The following TYMS variants were observed in gnomAD, a reference collection of about 807,000 sequenced individuals.
TYMS encodes the protein thymidylate synthase.
In TYMS, 21 loss-of-function variants were observed where a neutral mutation model predicts 39.3. The observed-to-expected ratio is 0.54, with a 90% confidence interval of 0.38 to 0.77. The LOEUF (loss-of-function observed/expected upper bound fraction) is 0.77. TYMS is among the 30% of genes least tolerant of loss of function. The probability of loss-of-function intolerance (pLI) is 0.00; values close to 1 mark genes in which losing one functional copy is unlikely to be tolerated. For missense variants in TYMS, 273 were observed against 406.7 expected, an observed-to-expected ratio of 0.67 and a Z score of 2.83; for synonymous variants, 171 against 162.2, an observed-to-expected ratio of 1.05 and a Z score of -0.41.
In TYMS at chr18:673,238, A is replaced by T. The variant is rs994647259; in HGVS notation, c.*241A>T. 109 of 354,280 alleles carry T rather than the reference A, an allele frequency of 3.1e-4. No homozygotes were observed. The highest frequency in any genetic ancestry group is 7.7e-4 in the Middle Eastern group (1 of 1,306). 21.9% of individuals were successfully genotyped at this position (354,280 alleles called of 1,614,324 possible). A position where few individuals can be genotyped will look rare whatever the true frequency, so the allele number is the denominator to read the frequency against. On this transcript the variant is annotated 3_prime_UTR_variant, in exon 7 of 7. Transcript: ENST00000323274. ...ATCTGACAATGCTGAGGTTATGAAC[A>T]AAGTGAGGAGAATGAAATGTATGTG...
rs1266096693 is a variant in TYMS, at chr18:658,186, C to T, written c.205+239C>T. The T allele has an allele frequency of 1.3e-6, 2 of 1,548,742 alleles. No individual in the cohort carries two copies. The highest frequency in any genetic ancestry group is 1.7e-6 in the Non-Finnish European group (2 of 1,145,666). ...AGCCGGGAGGTAAGCCGCGTCCCAG[C>T]GGCTCCGCGGCCGGGCTCGCAGTCG... On this transcript the variant is annotated intron_variant, in intron 1 of 6. Coordinates refer to ENST00000323274, the MANE Select transcript of TYMS (RefSeq NM_001071.4). The surrounding 1 kb of genome is among the most constrained non-coding windows in gnomAD (Gnocchi z 4.5).
rs1224641918 is a variant in TYMS, at chr18:671,367, C to T, written c.733-13C>T. 2 of 1,583,324 alleles carry T rather than the reference C, an allele frequency of 1.3e-6. No homozygotes were observed. The highest frequency in any genetic ancestry group is 1.3e-5 in the African/African-American group (1 of 74,204). ...ACTAACATACTGTTCTGCTTTCTCCCCCGGGTTTATAGCCAGGTGACTTTA... is the reference window on the plus strand; with the variant it reads ...ACTAACATACTGTTCTGCTTTCTCCTCCGGGTTTATAGCCAGGTGACTTTA... On this transcript the variant is annotated splice_polypyrimidine_tract_variant and intron_variant, in intron 5 of 6. Coordinates refer to ENST00000323274, the MANE Select transcript of TYMS (RefSeq NM_001071.4).
At position 662,134 on chromosome 18, in the gene TYMS, C is replaced by T; in HGVS notation, c.280-12C>T. The stretch of plus-strand genomic sequence containing the variant: ...ACCTGGATGCCTGCTCTGCTCTCCC[C>T]ATCTCTTCCAGGGATCCACAAATGC... On this transcript the variant is annotated splice_polypyrimidine_tract_variant and intron_variant, in intron 2 of 6. Coordinates refer to ENST00000323274, the MANE Select transcript of TYMS (RefSeq NM_001071.4). 6.2e-7 allele frequency: 1 copy of T among 1,600,228 alleles called. No homozygotes were observed. The highest frequency in any genetic ancestry group is 8.5e-7 in the Non-Finnish European group (1 of 1,174,238).
intron 3 of TYMS, among the ~76,000 whole-genome samples, chr18:664,231 A>G (rs868620331): frequency 1.3e-5 from 2 of 152,002 alleles, no homozygotes; most frequent in Non-Finnish European, 2.9e-5. Context: ...GAGGTCCTTC[A>G]CATCCCTTTT....
chr18:670,035 A>G (rs2074961604), intron 4 of TYMS, among the ~76,000 whole-genome samples: 1 of 135,456 alleles, frequency 7.4e-6, no homozygotes. Context: ...TGCATCTGTA[A>G]TAGAGACTTA....
chr18:671,556 G>A (rs1357361588), intron 6 of TYMS, 105 bp downstream of exon 6: 1 of 803,898 alleles, frequency 1.2e-6, no homozygotes, highest in East Asian at 2.5e-5. Context: ...AAAGATGACT[G>A]CTCCAAATGT....
At position 670,546 on chromosome 18, in the gene TYMS, G is replaced by GT. The variant is rs1288765566; in HGVS notation, c.557-144dup. On this transcript the variant is annotated intron_variant, in intron 4 of 6. Coordinates refer to ENST00000323274, the MANE Select transcript of TYMS (RefSeq NM_001071.4). ...GCTCCGTGCCATCGCTGCAGAGGCT[G>GT]TTATGGACATCACTGCAGCCCAGTG... is the stretch of plus-strand genomic sequence containing the variant. The GT allele has an allele frequency of 1.0e-5, 8 of 799,852 alleles. No individual in the cohort carries two copies. In the African/African-American group the frequency reaches 1.4e-4, roughly 14 times the overall value. The allele number at this position is 799,852 out of a possible 1,614,324, so 49.5% of individuals were successfully genotyped here.
Position 673,123 on chromosome 18 carries a change from GTTA to G in TYMS, c.*130_*132del. ...TCAAAAATCTGTCCGTGACCTATCA[GTTA>G]TTAATTTTTAAGGATGTTGCCACTG... On this transcript the variant is annotated 3_prime_UTR_variant, in exon 7 of 7. Transcript: ENST00000323274. The G allele has an allele frequency of 9.2e-7, 1 of 1,081,868 alleles. No individual in the cohort carries two copies. The highest frequency in any genetic ancestry group is 1.3e-6 in the Non-Finnish European group (1 of 788,042). 67.0% of individuals were successfully genotyped at this position (1,081,868 alleles called of 1,614,324 possible).
chr18:671,489 TCTC>T, intron 6 of TYMS, 38 bp downstream of exon 6: 1 of 1,332,908 alleles, frequency 7.5e-7, no homozygotes, highest in African/African-American at 1.4e-5. Context: ...TTTGGTACCT[TCTC>T]TTGATAAAAG....
chr18:667,203 T>A (rs796098656), intron 3 of TYMS, among the ~76,000 whole-genome samples: 36 of 61,248 alleles, frequency 5.9e-4, no homozygotes, highest in East Asian at 9.8e-4. Flanking sequence ...ATGGTGATGG[T>A]GATGGTGATG....
At position 658,229 on chromosome 18, in the gene TYMS, C is replaced by G. The variant is rs768256881; in HGVS notation, c.205+282C>G. On this transcript the variant is annotated intron_variant, in intron 1 of 6. Coordinates refer to ENST00000323274, the MANE Select transcript of TYMS (RefSeq NM_001071.4). This position sits in a 1 kb window ranked among gnomAD's most constrained non-coding sequence, Gnocchi z 4.5. ...CGCAGTCGCCCCAGTGATGCCGTGG[C>G]CCCCGAGGCGGGCGTCATCGGGCAG... 1 of 1,505,400 alleles carries G rather than the reference C, an allele frequency of 6.6e-7. No individual in the cohort carries two copies. Among genetic ancestry groups the G allele is most frequent in the Non-Finnish European group, 8.9e-7 (1 of 1,117,406 alleles). 93.3% of individuals were successfully genotyped at this position (1,505,400 alleles called of 1,614,324 possible).
At chr18:664,944 A>G (rs1223137627) in intron 3 of TYMS, among the ~76,000 whole-genome samples, 4 of 145,198 alleles carry the variant, frequency 2.8e-5, no homozygotes, top group Non-Finnish European at 4.5e-5. Flanking sequence ...GGAATTTTGC[A>G]TCAATGTTCA....
rs2853542 is a variant in TYMS at position 657,685 on chromosome 18, G to T, written c.-58G>T. On this transcript the variant is annotated 5_prime_UTR_variant, in exon 1 of 7. Transcript: ENST00000323274. Reference sequence around the variant, plus strand: ...CTGCCTCCGTCCCGCCGCGCCACTTGGCCTGCCTCCGTCCCGCCGCGCCAC... The same window carrying T: ...CTGCCTCCGTCCCGCCGCGCCACTTTGCCTGCCTCCGTCCCGCCGCGCCAC... The T allele has an allele frequency of 2.1e-6, 1 of 471,240 alleles. No individual in the cohort carries two copies. The highest frequency in any genetic ancestry group is 3.0e-6 in the Non-Finnish European group (1 of 329,058). The allele number at this position is 471,240 out of a possible 1,614,324, so 29.2% of individuals were successfully genotyped here.
At chr18:666,919 G>GGT (rs1567989423) in intron 3 of TYMS, among the ~76,000 whole-genome samples, 8 of 71,782 alleles carry the variant, frequency 1.1e-4, no homozygotes, top group South Asian at 1.2e-3. Context: ...TGATGGTGAT[G>GGT]GAGATGGTGA....
chr18:664,009 TG>T lies in TYMS; in HGVS notation c.454+1691del, dbSNP rs1367104225. Among the ~76,000 whole-genome samples, 3 of 101,760 alleles carry T rather than the reference TG, an allele frequency of 2.9e-5. 1 individual carries two copies. Among genetic ancestry groups the T allele is most frequent in the Non-Finnish European group, 5.5e-5 (3 of 54,086 alleles). The allele number at this position is 101,760 out of a possible 152,430, so 66.8% of individuals were successfully genotyped here. A position where few individuals can be genotyped will look rare whatever the true frequency, so the allele number is the denominator to read the frequency against. The stretch of plus-strand genomic sequence containing the variant: ...TGACTTGGCGATGTGGGCTCTTTTT[TG>T]GTTCCATATGAACTTTAAAGTAGTT... On this transcript the variant is annotated intron_variant, in intron 3 of 6. Coordinates refer to ENST00000323274, the MANE Select transcript of TYMS (RefSeq NM_001071.4).
rs1002757585 is a variant in TYMS at position 660,557 on chromosome 18, T to A, written c.279+843T>A. 1.3e-5 allele frequency among the ~76,000 whole-genome samples: 2 copies of A among 151,978 alleles called. No homozygotes were observed. The highest frequency in any genetic ancestry group is 2.1e-4 in the South Asian group (1 of 4,818). ...AACACAGCCTGCCACATAGTAGGAGTCAACATATATTGATCACTAAATGTA... is the reference window on the plus strand; with the variant it reads ...AACACAGCCTGCCACATAGTAGGAGACAACATATATTGATCACTAAATGTA... On this transcript the variant is annotated intron_variant, in intron 2 of 6. Coordinates refer to ENST00000323274, the MANE Select transcript of TYMS (RefSeq NM_001071.4). This position sits in a 1 kb window ranked among gnomAD's most constrained non-coding sequence, Gnocchi z 4.6.
At chr18:672,783 C>T in intron 6 of TYMS, 77 bp from the exon 7 acceptor site, 1 of 1,455,642 alleles carries the variant, frequency 6.9e-7, no homozygotes, top group Non-Finnish European at 9.3e-7. Flanking sequence ...ATCCTGTGTA[C>T]TTGTTTCACG....
chr18:670,960 T>A, intron 5 of TYMS, 93 bp downstream of exon 5: 1 of 1,417,796 alleles, frequency 7.1e-7, no homozygotes, highest in Non-Finnish European at 9.6e-7. Context: ...GTTTAGTCTC[T>A]GATTAGCTTT....
chr18:658,238 C>G lies in TYMS; in HGVS notation c.205+291C>G. 1 of 1,486,952 alleles carries G rather than the reference C, an allele frequency of 6.7e-7. No individual in the cohort carries two copies. Among genetic ancestry groups the G allele is most frequent in the Non-Finnish European group, 9.0e-7 (1 of 1,105,632 alleles). 92.1% of individuals were successfully genotyped at this position (1,486,952 alleles called of 1,614,324 possible). On this transcript the variant is annotated intron_variant, in intron 1 of 6. Coordinates refer to ENST00000323274, the MANE Select transcript of TYMS (RefSeq NM_001071.4). This position sits in a 1 kb window ranked among gnomAD's most constrained non-coding sequence, Gnocchi z 4.5. ...CCCAGTGATGCCGTGGCCCCCGAGG[C>G]GGGCGTCATCGGGCAGCGTTTGCCC...
Sources: gnomAD v4.1 joint callset for allele counts (sites outside exome capture counted in the v4.1 genomes callset) on GRCh38, gnomAD v4.1.1 for gene constraint, Gnocchi (gnomAD v3.1) non-coding constraint, MANE v1.5 for transcripts, NCBI Gene and HGNC (gene_info 2026-07-23, HGNC 2026-07-21) for gene names.